Variants in TRAF3IP3 observed in about 807,000 individuals in gnomAD.
TRAF3IP3 encodes TRAF3 interacting protein 3.
Under a neutral mutation model 86.5 loss-of-function variants are expected in TRAF3IP3, and 64 were observed. The observed-to-expected ratio is 0.74, with a 90% CI of 0.60 to 0.91. The LOEUF is 0.91. Among genes scored for constraint, TRAF3IP3 ranks in the 40% least tolerant of loss-of-function variants. TRAF3IP3 has a pLI of 0.00. For synonymous variants in TRAF3IP3, 220 were observed against 243.9 expected, an observed-to-expected ratio of 0.90 and a Z score of 0.91; for missense variants, 579 against 642.9, an observed-to-expected ratio of 0.90 and a Z score of 1.07.
At chr1:209,762,402 A>T in intron 3 of TRAF3IP3, 113 bp from the exon 4 acceptor site, 1 of 1,118,144 alleles carries the variant, frequency 8.9e-7, no homozygotes, top group Non-Finnish European at 1.2e-6. Context: ...GGGGGACAAT[A>T]AACACTCAGT....
chr1:209,760,714 C>T (rs2077231051), intron 3 of TRAF3IP3, among the ~76,000 whole-genome samples: 1 of 152,172 alleles, frequency 6.6e-6, no homozygotes, highest in South Asian at 2.1e-4. Context: ...AGGAGGATCA[C>T]TTGAGGCCAG....
At chr1:209,761,645 CA>C (rs1406853786) in intron 3 of TRAF3IP3, among the ~76,000 whole-genome samples, 2 of 152,236 alleles carry the variant, frequency 1.3e-5, no homozygotes, top group Non-Finnish European at 2.9e-5. Flanking sequence ...AGTCTTCACA[CA>C]AAACCTCAAT....
intron 8 of TRAF3IP3, among the ~76,000 whole-genome samples, 175 bp from the exon 9 acceptor site, chr1:209,772,773 G>T (rs1207093932): frequency 1.3e-5 from 2 of 152,188 alleles, no homozygotes; most frequent in Non-Finnish European, 2.9e-5. Context: ...AGAGAAACAG[G>T]AGAAGATCCT....
intron 6 of TRAF3IP3, 50 bp from the exon 7 acceptor site, chr1:209,763,313 G>C (rs771590550): frequency 1.5e-5 from 24 of 1,600,702 alleles, no homozygotes; most frequent in Non-Finnish European, 2.0e-5. Context: ...ATATCCCAGG[G>C]TTTCAGGGGA....
At chr1:209,769,930 C>T (rs2077430916) in intron 8 of TRAF3IP3, among the ~76,000 whole-genome samples, 1 of 151,940 alleles carries the variant, frequency 6.6e-6, no homozygotes, top group Non-Finnish European at 1.5e-5. Flanking sequence ...CGCCCCCTCC[C>T]CTACACAGAT....
At position 209,770,603 on chromosome 1, in the gene TRAF3IP3, G is replaced by C. The variant is rs533279868; in HGVS notation, c.703-2345G>C. ...ATGTGGAGGTGTATCTGTGCATGTG[G>C]AGGTGTGTGTGCAGCTGGAAGTTGT... On this transcript the variant is annotated intron_variant, in intron 8 of 16. Coordinates refer to ENST00000367025, the MANE Select transcript of TRAF3IP3 (RefSeq NM_025228.4). Among the ~76,000 whole-genome samples, 345 of 138,650 alleles carry C rather than the reference G, an allele frequency of 2.5e-3. 1 individual carries two copies. Among genetic ancestry groups the C allele is most frequent in the African/African-American group, 8.6e-3 (330 of 38,510 alleles). The allele number at this position is 138,650 out of a possible 152,430, so 91.0% of individuals were successfully genotyped here.
At chr1:209,781,091 C>A (rs950365189) in intron 15 of TRAF3IP3, 2 of 241,906 alleles carry the variant, frequency 8.3e-6, no homozygotes, top group Non-Finnish European at 1.6e-5. Flanking sequence ...AGCACTTGCA[C>A]GTAAAGTCAT....
chr1:209,761,956 G>A (rs987274467), intron 3 of TRAF3IP3, among the ~76,000 whole-genome samples: 2 of 152,390 alleles, frequency 1.3e-5, no homozygotes, highest in African/African-American at 4.8e-5. Context: ...GCCTGAGGAG[G>A]ACCATTTCTG....
intron 14 of TRAF3IP3, 166 bp from the exon 15 acceptor site, chr1:209,780,304 G>C (rs1477655785): frequency 7.8e-6 from 4 of 516,088 alleles, no homozygotes; most frequent in Non-Finnish European, 1.3e-5. Context: ...AGCTTAGCAG[G>C]GGCCTACTGG....
In TRAF3IP3 at chr1:209,775,745, C is replaced by T; in HGVS notation, c.1053+9C>T. 1 of 1,604,064 alleles carries T rather than the reference C, an allele frequency of 6.2e-7. No individual in the cohort carries two copies. The highest frequency in any genetic ancestry group is 8.5e-7 in the Non-Finnish European group (1 of 1,174,968). On this transcript the variant is annotated intron_variant, in intron 11 of 16. Coordinates refer to ENST00000367025, the MANE Select transcript of TRAF3IP3 (RefSeq NM_025228.4). Reference sequence around the variant, plus strand: ...TTCAGTCCAAACTGCAGGTACCAGGCACTGGGGGTGGGGAGGGAAGACAGG... The same window carrying T: ...TTCAGTCCAAACTGCAGGTACCAGGTACTGGGGGTGGGGAGGGAAGACAGG...
intron 11 of TRAF3IP3, chr1:209,775,953 A>C (rs1158442400): frequency 4.3e-6 from 2 of 469,408 alleles, no homozygotes; most frequent in Non-Finnish European, 7.6e-6. Flanking sequence ...AAATGAACTA[A>C]GCGTTCATTG....
intron 8 of TRAF3IP3, among the ~76,000 whole-genome samples, chr1:209,764,374 G>A (rs550591764): frequency 6.6e-6 from 1 of 152,278 alleles, no homozygotes; most frequent in African/African-American, 2.4e-5. Context: ...AAAGAGCCAG[G>A]GGAATACTTA....
intron 8 of TRAF3IP3, among the ~76,000 whole-genome samples, chr1:209,766,861 C>T (rs1488523598): frequency 1.3e-5 from 2 of 152,006 alleles, no homozygotes; most frequent in African/African-American, 4.8e-5. Context: ...AAGATTCTGT[C>T]TCAAAAAATA....
chr1:209,779,443 G>A (rs1235766249), intron 14 of TRAF3IP3, 69 bp downstream of exon 14: 8 of 1,383,326 alleles, frequency 5.8e-6, no homozygotes, highest in Admixed American at 1.7e-5. Flanking sequence ...GCAGCGGGAT[G>A]GACTACATGA....
chr1:209,765,233 G>GAGA (rs1558013097), intron 8 of TRAF3IP3, among the ~76,000 whole-genome samples: 1 of 87,964 alleles, frequency 1.1e-5, no homozygotes, highest in East Asian at 3.3e-4. Flanking sequence ...GAGAGAGGAA[G>GAGA]GAAGGAAGGA....
At position 209,778,392 on chromosome 1, in the gene TRAF3IP3, C is replaced by A. The variant is rs1380043794; in HGVS notation, c.1252+219C>A. ...TTTTTTCTACTGTTCTCCTTCCATG[C>A]CAATGACACCACTTACATTTCCCCT... On this transcript the variant is annotated intron_variant, in intron 13 of 16. Coordinates refer to ENST00000367025, the MANE Select transcript of TRAF3IP3 (RefSeq NM_025228.4). 8.4e-6 allele frequency: 4 copies of A among 474,450 alleles called. No individual in the cohort carries two copies. The South Asian group carries it at 1.6e-4, about 19-fold the overall frequency. The allele number at this position is 474,450 out of a possible 1,614,324, so 29.4% of individuals were successfully genotyped here.
At chr1:209,772,676 C>A (rs1469884876) in intron 8 of TRAF3IP3, among the ~76,000 whole-genome samples, 2 of 150,764 alleles carry the variant, frequency 1.3e-5, no homozygotes, top group African/African-American at 5.0e-5. Context: ...TTCCGGGGCC[C>A]CCCTGCTATG....
chr1:209,781,285 C>T, intron 15 of TRAF3IP3, 60 bp from the exon 16 acceptor site: 1 of 1,207,808 alleles, frequency 8.3e-7, no homozygotes, highest in Non-Finnish European at 1.2e-6. Flanking sequence ...GCAGTCTCCC[C>T]TGCCTGGGCT....
At chr1:209,777,543 G>GA (rs2077683965) in intron 12 of TRAF3IP3, 56 bp downstream of exon 12, 1 of 1,504,930 alleles carries the variant, frequency 6.6e-7, no homozygotes, top group Non-Finnish European at 8.9e-7. Flanking sequence ...AGTGAGCTAA[G>GA]AAAAAAGAAA....
Sources: allele counts gnomAD v4.1 joint callset (sites outside exome capture counted in the v4.1 genomes callset), GRCh38; gene constraint gnomAD v4.1.1; transcripts MANE v1.5; gene names NCBI Gene and HGNC (gene_info 2026-07-23, HGNC 2026-07-21).